The following KSR2 variants were observed in gnomAD, a reference collection of about 807,000 sequenced individuals.
KSR2 encodes the protein kinase suppressor of ras 2.
Under a neutral mutation model 107.8 loss-of-function variants are expected in KSR2, and 25 were observed. The ratio of observed to expected loss-of-function variants is 0.23; its 90% CI spans 0.17 to 0.32. The LOEUF is 0.32. KSR2 is among the 10% of genes least tolerant of loss of function. The pLI, the probability that KSR2 is intolerant of heterozygous loss-of-function variation, is 1.00. For synonymous variants in KSR2, 480 were observed against 507.0 expected (o/e 0.95, Z 0.71); for missense variants, 887 against 1,268.9 (o/e 0.70, Z 4.57).
intron 3 of KSR2, among the ~76,000 whole-genome samples, chr12:117,766,289 G>A (rs1339094942): frequency 2.0e-5 from 3 of 152,206 alleles, no homozygotes; most frequent in Non-Finnish European, 4.4e-5. Context: ...AAAGAAGTCA[G>A]ACACAAAGGG....
chr12:117,808,427 G>A (rs926041619), intron 3 of KSR2, among the ~76,000 whole-genome samples: 1 of 152,064 alleles, frequency 6.6e-6, no homozygotes, highest in Non-Finnish European at 1.5e-5. Context: ...AAAATCAAAT[G>A]AGGAAGTTAT....
intron 4 of KSR2, among the ~76,000 whole-genome samples, chr12:117,700,285 A>C (rs756131001): frequency 3.3e-5 from 5 of 152,160 alleles, no homozygotes; most frequent in Non-Finnish European, 7.3e-5. Flanking sequence ...CCAAGGCTAT[A>C]CAGCTACAGG....
intron 5 of KSR2, among the ~76,000 whole-genome samples, chr12:117,612,982 C>A (rs557560434): frequency 6.6e-6 from 1 of 152,300 alleles, no homozygotes; most frequent in South Asian, 2.1e-4. Flanking sequence ...GAGACTTCCC[C>A]AGCCATGTGG....
chr12:117,724,454 T>C (rs1887333733), intron 4 of KSR2, among the ~76,000 whole-genome samples: 1 of 152,112 alleles, frequency 6.6e-6, no homozygotes. Flanking sequence ...TTTTTCTAAA[T>C]AATGATGCAA....
At chr12:117,706,750 A>C (rs1428038808) in intron 4 of KSR2, among the ~76,000 whole-genome samples, 1 of 145,636 alleles carries the variant, frequency 6.9e-6, no homozygotes, top group Non-Finnish European at 1.5e-5. Context: ...TGCCATATAA[A>C]TTATACCTTA....
chr12:117,719,589 C>T (rs1036037850), intron 4 of KSR2, among the ~76,000 whole-genome samples: 2 of 152,152 alleles, frequency 1.3e-5, no homozygotes, highest in Non-Finnish European at 2.9e-5. Flanking sequence ...TCCAGTTTGC[C>T]CCACTCCCCA....
At chr12:117,611,963 G>A (rs1031983323) in intron 5 of KSR2, among the ~76,000 whole-genome samples, 1 of 152,168 alleles carries the variant, frequency 6.6e-6, no homozygotes, top group Non-Finnish European at 1.5e-5. Context: ...GAGACTATGG[G>A]GAGGAGGGAA....
intron 4 of KSR2, among the ~76,000 whole-genome samples, chr12:117,755,769 A>C (rs752018071): frequency 6.6e-6 from 1 of 152,232 alleles, no homozygotes; most frequent in Non-Finnish European, 1.5e-5. Context: ...AATGAACTGA[A>C]AGCTAGGCTT....
rs899852512 is a variant in KSR2 at position 117,461,046 on chromosome 12, C to A, written c.*6153G>T. ...ATCCCAGTGCTTTGGGAGGCTGAAG[C>A]AGGGGGATTGCTTGAGACCAGGAGT... On this transcript the variant is annotated 3_prime_UTR_variant, in exon 20 of 20. Transcript: ENST00000339824. 1 of 152,314 alleles carries A rather than the reference C, an allele frequency of 6.6e-6. No homozygotes were observed. Among genetic ancestry groups the A allele is most frequent in the Non-Finnish European group, 1.5e-5 (1 of 68,174 alleles). The allele number at this position is 152,314 out of a possible 1,614,324, so 9.4% of individuals were successfully genotyped here.
chr12:117,815,647 C>G (rs531494966), intron 3 of KSR2, among the ~76,000 whole-genome samples: 1 of 152,046 alleles, frequency 6.6e-6, no homozygotes. Context: ...AAAGTAAGTA[C>G]TATGAAAAAG....
chr12:117,670,679 C>T (rs146219630), intron 4 of KSR2, among the ~76,000 whole-genome samples: 340 of 152,268 alleles, frequency 2.2e-3, no homozygotes, highest in African/African-American at 7.9e-3. Context: ...AGAAACCCCA[C>T]GCAGATATTT....
At chr12:117,510,116 G>A (rs1187915374) in intron 14 of KSR2, among the ~76,000 whole-genome samples, 1 of 152,158 alleles carries the variant, frequency 6.6e-6, no homozygotes, top group Non-Finnish European at 1.5e-5. Context: ...TCTCTTCAGC[G>A]ATAAGGTGCT....
In KSR2 at chr12:117,968,114, AGGTAGCACATTT is replaced by A; in HGVS notation, c.130_141del (p.Lys44_Thr47del). ...ATTTCTTTTTGTGTGAGGTCGTTGG[AGGTAGCACATTT>A]GGTCCTAAGCCCTTCCAGGTTGGAG... is the stretch of plus-strand genomic sequence containing the variant. On this transcript the variant is annotated inframe_deletion, in exon 1 of 20. Transcript: ENST00000339824. 1 of 1,556,570 alleles carries A rather than the reference AGGTAGCACATTT, an allele frequency of 6.4e-7. No individual in the cohort carries two copies. Among genetic ancestry groups the A allele is most frequent in the Non-Finnish European group, 8.7e-7 (1 of 1,153,502 alleles).
At chr12:117,476,171 C>T (rs1469604711) in intron 17 of KSR2, among the ~76,000 whole-genome samples, 1 of 152,254 alleles carries the variant, frequency 6.6e-6, no homozygotes, top group African/African-American at 2.4e-5. Flanking sequence ...GTATCCCCTG[C>T]ATCTGCTACA....
chr12:117,742,827 C>T (rs1317605020), intron 4 of KSR2, among the ~76,000 whole-genome samples: 2 of 152,158 alleles, frequency 1.3e-5, no homozygotes, highest in South Asian at 4.1e-4. Context: ...CATTCAGAGA[C>T]TCTCTCTTCT....
At chr12:117,965,032 G>A (rs1896750194) in intron 1 of KSR2, among the ~76,000 whole-genome samples, 1 of 152,212 alleles carries the variant, frequency 6.6e-6, no homozygotes, top group Admixed American at 6.5e-5. Flanking sequence ...GCCGATCCTG[G>A]TGGTGGTCCC....
chr12:117,688,874 C>T (rs909179442), intron 4 of KSR2, among the ~76,000 whole-genome samples: 1 of 152,286 alleles, frequency 6.6e-6, no homozygotes, highest in Middle Eastern at 3.4e-3. Context: ...TCTAGACACC[C>T]GGTCACAACT....
chr12:117,884,984 T>A (rs1015211764), intron 1 of KSR2, among the ~76,000 whole-genome samples: 1 of 151,522 alleles, frequency 6.6e-6, no homozygotes, highest in African/African-American at 2.4e-5. Context: ...ACGCAGCAGG[T>A]AACACCAGAG....
intron 1 of KSR2, among the ~76,000 whole-genome samples, chr12:117,917,541 AG>A (rs970250560): frequency 6.6e-6 from 1 of 152,188 alleles, no homozygotes; most frequent in African/African-American, 2.4e-5. Flanking sequence ...TCTAAAAAAA[AG>A]TTTAATAAAT....
Sources: allele counts gnomAD v4.1 joint callset (sites outside exome capture counted in the v4.1 genomes callset), GRCh38; gene constraint gnomAD v4.1.1; transcripts MANE v1.5; gene names NCBI Gene and HGNC (gene_info 2026-07-23, HGNC 2026-07-21).